Variants in LMBR1 observed in about 807,000 individuals in gnomAD.
LMBR1 encodes limb region 1 protein homolog.
Under a neutral mutation model 73.9 loss-of-function variants are expected in LMBR1, and 52 were observed. That is an observed-to-expected ratio of 0.70 (90% confidence interval 0.56 to 0.89). LMBR1 has a LOEUF of 0.89. Ranked by LOEUF, LMBR1 falls within the 40% of genes least tolerant of loss-of-function variation. LMBR1 has a pLI of 0.00. For missense variants in LMBR1, 539 were observed against 579.8 expected, an observed-to-expected ratio of 0.93 and a Z score of 0.72; for synonymous variants, 215 against 209.4, an observed-to-expected ratio of 1.03 and a Z score of -0.23.
chr7:156,886,047 G>GAAAAAAAAAAAAAAAAAAAAA (rs59110740), intron 1 of LMBR1, among the ~76,000 whole-genome samples: 1 of 115,722 alleles, frequency 8.6e-6, no homozygotes, highest in African/African-American at 3.3e-5. Context: ...CTCAAAAAAA[G>GAAAAAAAAAAAAAAAAAAAAA]AAAAAAAAAA....
At chr7:156,800,993 T>C (rs1473382547) in intron 4 of LMBR1, among the ~76,000 whole-genome samples, 1 of 152,212 alleles carries the variant, frequency 6.6e-6, no homozygotes, top group East Asian at 1.9e-4. Context: ...GAAAGTGGTT[T>C]CTTGAGATGG....
chr7:156,733,322 A>G (rs1817220281), intron 10 of LMBR1, among the ~76,000 whole-genome samples: 1 of 152,224 alleles, frequency 6.6e-6, no homozygotes, highest in African/African-American at 2.4e-5. Flanking sequence ...ATCAATCAAA[A>G]CATATCAAGA....
In LMBR1 at chr7:156,791,558, A is replaced by T. The variant is rs78870926; in HGVS notation, c.423+4831T>A. On this transcript the variant is annotated intron_variant, in intron 5 of 16. Coordinates refer to ENST00000353442, the MANE Select transcript of LMBR1 (RefSeq NM_022458.4). Reference sequence around the variant, plus strand: ...CTGTGACACAGGATAGAAACATATTAAAAAAATCTTTGTTCCTCCTCTATT... The same window carrying T: ...CTGTGACACAGGATAGAAACATATTTAAAAAATCTTTGTTCCTCCTCTATT... 8.1e-4 allele frequency among the ~76,000 whole-genome samples: 123 copies of T among 152,322 alleles called. 1 individual carries two copies. The highest frequency in any genetic ancestry group is 3.4e-3 in the Middle Eastern group (1 of 294).
intron 4 of LMBR1, among the ~76,000 whole-genome samples, chr7:156,809,540 A>C (rs994213476): frequency 1.3e-5 from 2 of 152,240 alleles, no homozygotes; most frequent in Non-Finnish European, 2.9e-5. Context: ...ATCTATGTAA[A>C]TAATTATACT....
intron 1 of LMBR1, among the ~76,000 whole-genome samples, chr7:156,851,654 G>T (rs746920689): frequency 6.6e-6 from 1 of 152,024 alleles, no homozygotes; most frequent in Non-Finnish European, 1.5e-5. Context: ...AAACAATGGA[G>T]AGAGAAAAAG....
intron 14 of LMBR1, among the ~76,000 whole-genome samples, chr7:156,725,027 C>T (rs1815429012): frequency 6.6e-6 from 1 of 152,140 alleles, no homozygotes; most frequent in African/African-American, 2.4e-5. Flanking sequence ...TAGAACTCTT[C>T]CGTCTTACTT....
intron 1 of LMBR1, among the ~76,000 whole-genome samples, chr7:156,856,221 G>A (rs897180934): frequency 5.9e-5 from 9 of 151,864 alleles, no homozygotes; most frequent in African/African-American, 2.2e-4. Flanking sequence ...TAGACAGATA[G>A]GTAGATAGAT....
chr7:156,720,543 T>G (rs1343111860), intron 15 of LMBR1, among the ~76,000 whole-genome samples: 1 of 152,068 alleles, frequency 6.6e-6, no homozygotes, highest in Non-Finnish European at 1.5e-5. Context: ...ACAAAACATT[T>G]TTAAGAATTC....
chr7:156,830,765 A>G (rs555366805), intron 3 of LMBR1, among the ~76,000 whole-genome samples: 2 of 152,268 alleles, frequency 1.3e-5, no homozygotes, highest in South Asian at 4.2e-4. Flanking sequence ...TCACCTATGG[A>G]GCTTTTGTTA....
At chr7:156,879,201 T>C (rs10949608) in intron 1 of LMBR1, among the ~76,000 whole-genome samples, 37,174 of 152,038 alleles carry the variant, frequency 0.24, 5,091 homozygotes, top group East Asian at 0.42. Flanking sequence ...AGCTGAGACT[T>C]AATTAAACTA....
chr7:156,766,579 T>G (rs573914047), intron 5 of LMBR1, among the ~76,000 whole-genome samples: 4 of 152,074 alleles, frequency 2.6e-5, no homozygotes, highest in Admixed American at 2.6e-4. Context: ...GCAACAAGGA[T>G]AGGGGACTAA....
rs112867050 is a variant in LMBR1 at position 156,708,666 on chromosome 7, G to C, written c.1225+15446C>G. ...CAGAATTTCTTGAGCAAATTTTCTT[G>C]AGCAGAATCTGGTAGGGGGGCAGGG... On this transcript the variant is annotated intron_variant, in intron 15 of 16. Coordinates refer to ENST00000353442, the MANE Select transcript of LMBR1 (RefSeq NM_022458.4). Among the ~76,000 whole-genome samples the C allele has an allele frequency of 6.0e-3, 916 of 152,314 alleles. 21 individuals carry two copies. In the South Asian group the frequency reaches 0.079, roughly 13 times the overall value.
chr7:156,799,936 C>G (rs1390519663), intron 4 of LMBR1, among the ~76,000 whole-genome samples: 1 of 152,182 alleles, frequency 6.6e-6, no homozygotes, highest in East Asian at 1.9e-4. Flanking sequence ...ACAGCCTGAG[C>G]AAGGTTGTAA....
chr7:156,876,543 TTC>T (rs1800206095), intron 1 of LMBR1, among the ~76,000 whole-genome samples: 2 of 152,168 alleles, frequency 1.3e-5, no homozygotes, highest in Non-Finnish European at 2.9e-5. Flanking sequence ...GCATGGAACT[TTC>T]TCCAAGACAG....
chr7:156,710,044 A>G (rs916715978), intron 15 of LMBR1, among the ~76,000 whole-genome samples: 3 of 151,672 alleles, frequency 2.0e-5, no homozygotes, highest in Non-Finnish European at 4.4e-5. Context: ...AGCTGGGACT[A>G]CAGGCGCCCG....
intron 14 of LMBR1, among the ~76,000 whole-genome samples, chr7:156,724,764 CTGTGTGTGTGTGTGTGTGTG>C (rs71189961): frequency 1.4e-4 from 21 of 146,534 alleles, no homozygotes; most frequent in African/African-American, 5.0e-4. Flanking sequence ...AAAGAAATAG[CTGTGTGTGTGTGTGTGTGTG>C]TGTGTGTGTG....
At chr7:156,787,242 G>A (rs1163846909) in intron 5 of LMBR1, among the ~76,000 whole-genome samples, 1 of 152,084 alleles carries the variant, frequency 6.6e-6, no homozygotes, top group East Asian at 1.9e-4. Context: ...GTTACCTTGT[G>A]ACCACCCTCT....
intron 9 of LMBR1, among the ~76,000 whole-genome samples, chr7:156,756,048 T>C (rs755846041): frequency 2.0e-5 from 3 of 152,240 alleles, no homozygotes; most frequent in Non-Finnish European, 4.4e-5. Flanking sequence ...TTAAACTATA[T>C]CATTACTCTT....
At chr7:156,764,404 T>C (rs1007990927) in intron 5 of LMBR1, among the ~76,000 whole-genome samples, 2 of 152,172 alleles carry the variant, frequency 1.3e-5, no homozygotes, top group African/African-American at 4.8e-5. Context: ...ATATAATCAT[T>C]ATGCACAACT....
Sources: gnomAD v4.1 joint callset for allele counts (sites outside exome capture counted in the v4.1 genomes callset) on GRCh38, gnomAD v4.1.1 for gene constraint, MANE v1.5 for transcripts, NCBI Gene and HGNC (gene_info 2026-07-23, HGNC 2026-07-21) for gene names.